Variants in HECW1 observed in about 807,000 individuals in gnomAD.
HECW1 encodes E3 ubiquitin-protein ligase HECW1.
A neutral mutation model predicts 182.3 loss-of-function variants in HECW1; 61 were observed. The observed-to-expected ratio is 0.33, with a 90% CI of 0.27 to 0.41. The LOEUF is 0.41. HECW1 is among the 10% of genes least tolerant of loss of function. The probability of loss-of-function intolerance (pLI) is 1.00; values close to 1 mark genes in which losing one functional copy is unlikely to be tolerated. For synonymous variants in HECW1, 859 were observed against 832.6 expected, an observed-to-expected ratio of 1.03 and a Z score of -0.55; for missense variants, 1,739 against 2,108.9, an observed-to-expected ratio of 0.82 and a Z score of 3.44.
intron 4 of HECW1, among the ~76,000 whole-genome samples, chr7:43,316,754 TCTCCCCTCCCCTTTTCTCTC>T (rs1300404774): frequency 4.8e-4 from 11 of 23,028 alleles, no homozygotes; most frequent in Admixed American, 1.1e-3. Context: ...CCAGTTCTCC[TCTCCCCTCCCCTTTTCTCTC>T]CTCCCCTCCC....
intron 3 of HECW1, among the ~76,000 whole-genome samples, chr7:43,257,951 C>G (rs1800757056): frequency 6.6e-6 from 1 of 152,308 alleles, no homozygotes; most frequent in East Asian, 1.9e-4. Context: ...TTATTAAATG[C>G]TCATTAGTCT....
chr7:43,492,997 C>T, intron 18 of HECW1, 87 bp from the exon 19 acceptor site: 1 of 821,728 alleles, frequency 1.2e-6, no homozygotes, highest in Non-Finnish European at 1.9e-6. Flanking sequence ...TTCATTAATC[C>T]TGGTATCAAG....
intron 4 of HECW1, among the ~76,000 whole-genome samples, chr7:43,314,726 G>A (rs557289195): frequency 2.0e-5 from 3 of 152,250 alleles, no homozygotes; most frequent in Admixed American, 1.3e-4. Flanking sequence ...CACTTTCAAC[G>A]GCATAGCATT....
intron 2 of HECW1, among the ~76,000 whole-genome samples, chr7:43,234,002 C>T (rs988061105): frequency 2.0e-5 from 3 of 152,206 alleles, no homozygotes; most frequent in East Asian, 1.9e-4. Flanking sequence ...TCGCAGGTAG[C>T]GAGATGAGCA....
chr7:43,431,827 AC>A (rs912688294), intron 8 of HECW1, among the ~76,000 whole-genome samples: 8 of 150,350 alleles, frequency 5.3e-5, no homozygotes, highest in Admixed American at 4.6e-4. Flanking sequence ...TGCCCATGGC[AC>A]CCCTCTACCT....
chr7:43,405,987 C>T (rs1173110682), intron 7 of HECW1, among the ~76,000 whole-genome samples: 1 of 152,186 alleles, frequency 6.6e-6, no homozygotes, highest in African/African-American at 2.4e-5. Flanking sequence ...TTCTGATCAC[C>T]CCCCAGTCTT....
chr7:43,139,437 T>C (rs1193427290), intron 2 of HECW1, among the ~76,000 whole-genome samples: 1 of 152,240 alleles, frequency 6.6e-6, no homozygotes, highest in Admixed American at 6.5e-5. Context: ...CATGCAACTA[T>C]TCCTTTGTGC....
At chr7:43,173,992 C>CAG (rs1457615990) in intron 2 of HECW1, among the ~76,000 whole-genome samples, 1 of 152,054 alleles carries the variant, frequency 6.6e-6, no homozygotes, top group East Asian at 1.9e-4. Flanking sequence ...CATGCACCAT[C>CAG]ACACCTGGCT....
chr7:43,265,239 A>G (rs1048622627), intron 3 of HECW1, among the ~76,000 whole-genome samples: 3 of 152,072 alleles, frequency 2.0e-5, no homozygotes, highest in African/African-American at 7.2e-5. Context: ...TTTCCATCTC[A>G]GAGGTAAGGA....
intron 2 of HECW1, among the ~76,000 whole-genome samples, chr7:43,210,936 A>C (rs1200194636): frequency 1.3e-5 from 2 of 152,164 alleles, no homozygotes; most frequent in East Asian, 3.9e-4. Context: ...GATTTAATAG[A>C]GTGAAAACAG....
intron 24 of HECW1, among the ~76,000 whole-genome samples, chr7:43,521,605 G>T (rs2152938996): frequency 6.6e-6 from 1 of 152,338 alleles, no homozygotes; most frequent in East Asian, 1.9e-4. Flanking sequence ...GCTGGGCAAG[G>T]AAAGTCATGC....
chr7:43,428,149 A>C (rs190624866), intron 8 of HECW1, among the ~76,000 whole-genome samples: 1 of 152,320 alleles, frequency 6.6e-6, no homozygotes, highest in East Asian at 1.9e-4. Context: ...CCAACCCCAC[A>C]CCAGATGAAA....
chr7:43,463,740 C>A lies in HECW1; in HGVS notation c.2732C>A (p.Ala911Glu). ...SGSQSCEQAPAGGGGGGGSDS... is the reference protein window; with the variant it reads ...SGSQSCEQAPEGGGGGGGSDS... ...AGCCAAAGCTGCGAGCAAGCCCCAGCAGGAGGAGGCGGAGGTGGAGGGAGT... is the reference window on the plus strand; with the variant it reads ...AGCCAAAGCTGCGAGCAAGCCCCAGAAGGAGGAGGCGGAGGTGGAGGGAGT... Residue 911 changes from alanine (A) to glutamate (E), a missense_variant, in exon 14 of 30, where the codon GCA (alanine) becomes GAA (glutamate). Transcript: ENST00000395891. 1 of 1,613,988 alleles carries A rather than the reference C, an allele frequency of 6.2e-7. No individual in the cohort carries two copies. Among genetic ancestry groups the A allele is most frequent in the Middle Eastern group, 1.6e-4 (1 of 6,062 alleles).
chr7:43,388,847 C>T (rs146964231), intron 6 of HECW1, among the ~76,000 whole-genome samples: 7 of 152,304 alleles, frequency 4.6e-5, no homozygotes, highest in African/African-American at 1.7e-4. Context: ...ACTGCCCAGC[C>T]TTACCTGTGC....
intron 3 of HECW1, among the ~76,000 whole-genome samples, chr7:43,308,951 AC>A (rs1167044451): frequency 6.6e-6 from 1 of 152,120 alleles, no homozygotes; most frequent in East Asian, 1.9e-4. Context: ...GCCATCTTAA[AC>A]CCTTTCTGGA....
Position 43,445,278 on chromosome 7 carries a change from C to T in HECW1, c.2106C>T (p.Cys702=), listed in dbSNP as rs1274889337. 1 of 1,612,776 alleles carries T rather than the reference C, an allele frequency of 6.2e-7. No homozygotes were observed. The highest frequency in any genetic ancestry group is 1.3e-5 in the African/African-American group (1 of 74,934). The change falls in exon 11 of 30, where the codon TGC becomes TGT. Residue 702 remains cysteine, a synonymous_variant. Coordinates refer to ENST00000395891, the MANE Select transcript of HECW1 (RefSeq NM_015052.5). ...CYSSSCYSAS[C]YSPSCYNGNR... ...GCAGCTCGTGCTACAGCGCCTCGTG[C>T]TACAGCCCCTCCTGCTACAACGGCA... is the stretch of plus-strand genomic sequence containing the variant.
At chr7:43,343,907 C>T (rs1366876170) in intron 5 of HECW1, among the ~76,000 whole-genome samples, 1 of 151,814 alleles carries the variant, frequency 6.6e-6, no homozygotes, top group Non-Finnish European at 1.5e-5. Context: ...TCCACATCCT[C>T]TCCAGCATCT....
chr7:43,508,394 T>C (rs1290936124), intron 23 of HECW1, among the ~76,000 whole-genome samples: 1 of 152,214 alleles, frequency 6.6e-6, no homozygotes, highest in African/African-American at 2.4e-5. Flanking sequence ...TCTTTCCTTT[T>C]TAGGTGGTGT....
chr7:43,259,673 A>G (rs907758272), intron 3 of HECW1, among the ~76,000 whole-genome samples: 1 of 152,242 alleles, frequency 6.6e-6, no homozygotes, highest in Non-Finnish European at 1.5e-5. Context: ...TAAACATCTG[A>G]TGTAAATAAT....
Sources: gnomAD v4.1 joint callset for allele counts (sites outside exome capture counted in the v4.1 genomes callset) on GRCh38, gnomAD v4.1.1 for gene constraint, MANE v1.5 for transcripts, NCBI Gene and HGNC (gene_info 2026-07-23, HGNC 2026-07-21) for gene names.